Variants in TARS3 observed in about 807,000 individuals in gnomAD.
The protein encoded by TARS3 is threonine--tRNA ligase 2, cytoplasmic.
TARS3 carries 94 observed loss-of-function variants against 103.5 expected under a neutral mutation model. The observed-to-expected ratio is 0.91, with a 90% confidence interval of 0.77 to 1.08. The LOEUF is 1.08. Ranked by LOEUF, TARS3 falls within the 50% of genes least tolerant of loss-of-function variation. TARS3 has a pLI of 0.00. For missense variants in TARS3, 952 were observed against 995.2 expected (o/e 0.96, Z 0.58); for synonymous variants, 416 against 355.4 (o/e 1.17, Z -1.92).
intron 4 of TARS3, 42 bp from the exon 5 acceptor site, chr15:101,712,043 T>A (rs1306011783): frequency 3.8e-6 from 6 of 1,573,344 alleles, no homozygotes; most frequent in Non-Finnish European, 4.3e-6. Flanking sequence ...ACCAAAAGTA[T>A]GTCATGGAAA....
chr15:101,723,968 G>T, intron 1 of TARS3, 123 bp downstream of exon 1: 1 of 933,102 alleles, frequency 1.1e-6, no homozygotes, highest in Non-Finnish European at 1.5e-6. Context: ...CAGCCGCAGG[G>T]CACTGGGAGG....
chr15:101,675,837 T>C (rs1198524047), intron 12 of TARS3, 100 bp from the exon 13 acceptor site: 19 of 1,306,500 alleles, frequency 1.5e-5, no homozygotes, highest in Non-Finnish European at 2.0e-5. Context: ...AGCATGTTTT[T>C]AATGGAGTAC....
At chr15:101,696,210 C>CAAAAAAA (rs57512244) in intron 10 of TARS3, among the ~76,000 whole-genome samples, 1 of 81,760 alleles carries the variant, frequency 1.2e-5, no homozygotes. Flanking sequence ...GACTTTGTCT[C>CAAAAAAA]AAAAAAAAAA....
chr15:101,687,298 G>C (rs902296702), intron 10 of TARS3, among the ~76,000 whole-genome samples: 1 of 152,116 alleles, frequency 6.6e-6, no homozygotes, highest in Non-Finnish European at 1.5e-5. Context: ...AGCTACTCAG[G>C]AGGCTGAAGC....
At position 101,671,521 on chromosome 15, in the gene TARS3, G is replaced by A; in HGVS notation, c.1932C>T (p.Phe644=). 1 of 1,610,932 alleles carries A rather than the reference G, an allele frequency of 6.2e-7. No individual in the cohort carries two copies. The highest frequency in any genetic ancestry group is 1.1e-5 in the South Asian group (1 of 90,970). ...TGAGATTAAATCTAATAGGCAGTTG[G>A]AAGTCCAGCTGAATTGTAGCACATT... The part of the protein sequence containing the change: ...YHQCATIQLD[F]QLPIRFNLTY... Residue 644 remains phenylalanine (F), a synonymous_variant, in exon 15 of 19, where the codon TTC becomes TTT. Coordinates refer to ENST00000335968, the MANE Select transcript of TARS3 (RefSeq NM_152334.3).
chr15:101,654,945 T>C (rs1347953663), intron 18 of TARS3, among the ~76,000 whole-genome samples: 1 of 152,238 alleles, frequency 6.6e-6, no homozygotes, highest in Non-Finnish European at 1.5e-5. Context: ...GAACAGCTCT[T>C]GTGGTCCTGG....
Position 101,721,149 on chromosome 15 carries a change from A to C in TARS3, c.543T>G (p.Pro181=). 2.5e-6 allele frequency: 4 copies of C among 1,597,462 alleles called. No homozygotes were observed. The highest frequency in any genetic ancestry group is 3.4e-6 in the Non-Finnish European group (4 of 1,166,144). Residue 181 remains proline (P), a synonymous_variant, in exon 3 of 19, where the codon CCT becomes CCG. Coordinates refer to ENST00000335968, the MANE Select transcript of TARS3 (RefSeq NM_152334.3). ...ACCTAATTTCAGCAGCCACTTGGTAAGGCGTTGTTTTCCAGACTTCCCCTT... is the reference window on the plus strand; with the variant it reads ...ACCTAATTTCAGCAGCCACTTGGTACGGCGTTGTTTTCCAGACTTCCCCTT... ...TVQGEVWKTT[P]YQVAAEISQE...
intron 11 of TARS3, among the ~76,000 whole-genome samples, chr15:101,684,663 T>C (rs1287623474): frequency 6.6e-6 from 1 of 152,204 alleles, no homozygotes; most frequent in Non-Finnish European, 1.5e-5. Flanking sequence ...TGCATGGCCC[T>C]GCCCACTCTG....
chr15:101,672,524 G>C (rs1282855427), intron 13 of TARS3, among the ~76,000 whole-genome samples: 1 of 152,058 alleles, frequency 6.6e-6, no homozygotes, highest in African/African-American at 2.4e-5. Context: ...GGCAGACTTG[G>C]GAGTGACGCG....
At position 101,723,103 on chromosome 15, in the gene TARS3, G is replaced by A. The variant is rs1567363933; in HGVS notation, c.359C>T (p.Ala120Val). ...ACAGCAACAACTTACCTCGCTGTCA[G>A]CCTCGCTTTCCTTCATTTTCTTCTT... ...MKKKKMKESE[A>V]DSEVKHQPIF... is the part of the protein sequence containing the mutation. Residue 120 changes from alanine (A) to valine (V), a missense_variant, in exon 2 of 19, where the codon GCT becomes GTT. Ala to Val is a moderately conservative substitution (Grantham distance 64). This residue lies in a region of TARS3 where 412 missense variants were observed against 364.2 expected (regional missense o/e 1.13). Coordinates refer to ENST00000335968, the MANE Select transcript of TARS3 (RefSeq NM_152334.3). The A allele has an allele frequency of 1.2e-6, 2 of 1,614,142 alleles. No individual in the cohort carries two copies. Among genetic ancestry groups the A allele is most frequent in the Admixed American group, 1.7e-5 (1 of 60,030 alleles).
chr15:101,712,061 G>A, intron 4 of TARS3, 60 bp from the exon 5 acceptor site: 2 of 1,531,278 alleles, frequency 1.3e-6, no homozygotes, highest in Non-Finnish European at 1.8e-6. Context: ...AAAATTAGTA[G>A]TAAAATGATG....
chr15:101,721,813 T>G (rs1900477259), intron 2 of TARS3, among the ~76,000 whole-genome samples: 1 of 152,196 alleles, frequency 6.6e-6, no homozygotes, highest in African/African-American at 2.4e-5. Flanking sequence ...TCAACTTTAG[T>G]GATGTGAAAG....
In TARS3 at chr15:101,701,219, T is replaced by C. The variant is rs780175520; in HGVS notation, c.1222-35A>G. On this transcript the variant is annotated intron_variant, in intron 9 of 18. Coordinates refer to ENST00000335968, the MANE Select transcript of TARS3 (RefSeq NM_152334.3). ...AACAAAAATTGCATTTCAAATGTCA[T>C]CTGCTATTGCTTAATATTTACTGCA... 5 of 1,323,590 alleles carry C rather than the reference T, an allele frequency of 3.8e-6. 1 individual carries two copies. In the South Asian group the frequency reaches 3.9e-5, roughly 10 times the overall value. 82.0% of individuals were successfully genotyped at this position (1,323,590 alleles called of 1,614,324 possible).
rs543957458 is a variant in TARS3 at position 101,676,691 on chromosome 15, G to C, written c.1651-954C>G. Among the ~76,000 whole-genome samples, 144 of 151,350 alleles carry C rather than the reference G, an allele frequency of 9.5e-4. 1 individual carries two copies. The highest frequency in any genetic ancestry group is 3.4e-3 in the Middle Eastern group (1 of 292). On this transcript the variant is annotated intron_variant, in intron 12 of 18. Transcript: ENST00000335968. ...TTTTTGTATTTTTTTTTTTTTAGTA[G>C]AGAAGGGGTTTCGCCATGTTGGCCA...
chr15:101,657,367 G>GCCGACAGC (rs1897230604), intron 17 of TARS3, among the ~76,000 whole-genome samples: 1 of 152,202 alleles, frequency 6.6e-6, no homozygotes, highest in African/African-American at 2.4e-5. Flanking sequence ...CGCAGCCCTG[G>GCCGACAGC]CTGACAGCCT....
At chr15:101,655,732 C>T (rs888386103) in intron 18 of TARS3, 1 of 991,364 alleles carries the variant, frequency 1.0e-6, no homozygotes, top group African/African-American at 1.7e-5. Flanking sequence ...TACAGGCTCA[C>T]ACTGACCCCA....
chr15:101,654,921 T>C (rs927046502), intron 18 of TARS3, among the ~76,000 whole-genome samples, 191 bp from the exon 19 acceptor site: 13 of 152,246 alleles, frequency 8.5e-5, no homozygotes, highest in Non-Finnish European at 1.6e-4. Flanking sequence ...CATCTCTCTA[T>C]TGTCCACCTG....
intron 15 of TARS3, among the ~76,000 whole-genome samples, chr15:101,663,898 T>C (rs1371792027): frequency 6.6e-6 from 1 of 152,206 alleles, no homozygotes; most frequent in Non-Finnish European, 1.5e-5. Context: ...GATAAGGAAA[T>C]TTCTGTTCAT....
At chr15:101,675,948 C>T (rs754022527) in intron 12 of TARS3, among the ~76,000 whole-genome samples, 18 of 147,154 alleles carry the variant, frequency 1.2e-4, no homozygotes, top group African/African-American at 3.4e-4. Context: ...GCGAGGGAAC[C>T]GTACTGTGAA....
Sources: gnomAD v4.1 joint callset for allele counts (sites outside exome capture counted in the v4.1 genomes callset) on GRCh38, gnomAD v4.1.1 for gene constraint, gnomAD v4.1.1 regional missense constraint, MANE v1.5 for transcripts, NCBI Gene and HGNC (gene_info 2026-07-23, HGNC 2026-07-21) for gene names.